Variants in KCNH3 observed in about 807,000 individuals in gnomAD.
The protein encoded by KCNH3 is potassium voltage-gated channel subfamily H member 3, also known as voltage-gated inwardly rectifying potassium channel KCNH3.
A neutral mutation model predicts 95.6 loss-of-function variants in KCNH3; 36 were observed. That is an observed-to-expected ratio of 0.38 (90% CI 0.29 to 0.50). KCNH3 has a LOEUF of 0.50. Ranked by LOEUF, KCNH3 falls within the 20% of genes least tolerant of loss-of-function variation. The probability of loss-of-function intolerance (pLI) is 0.95; values close to 1 mark genes in which losing one functional copy is unlikely to be tolerated. For synonymous variants in KCNH3, 620 were observed against 646.3 expected (o/e 0.96, Z 0.62); for missense variants, 1,030 against 1,484.1 (o/e 0.69, Z 5.03).
At position 49,542,717 on chromosome 12, in the gene KCNH3, C is replaced by A. The variant is rs762889425; in HGVS notation, c.457C>A (p.Arg153Ser). 1 of 1,578,170 alleles carries A rather than the reference C, an allele frequency of 6.3e-7. No individual in the cohort carries two copies. Among genetic ancestry groups the A allele is most frequent in the Non-Finnish European group, 8.6e-7 (1 of 1,162,688 alleles). The change falls in exon 4 of 15, where the codon CGC becomes AGC. Residue 153 changes from arginine (R) to serine (S), a missense_variant. Transcript: ENST00000257981. Reference protein sequence around the residue: ...DRWKETGGGRRRYGRARSKGF... With the variant: ...DRWKETGGGRSRYGRARSKGF... ...CTCTTCTTTCGCAGGTGGTGGCCGGCGCCGATATGGCCGGGCACGATCCAA... is the reference window on the plus strand; with the variant it reads ...CTCTTCTTTCGCAGGTGGTGGCCGGAGCCGATATGGCCGGGCACGATCCAA...
At chr12:49,546,953 G>A (rs776752222) in intron 7 of KCNH3, among the ~76,000 whole-genome samples, 59 of 152,144 alleles carry the variant, frequency 3.9e-4, no homozygotes, top group Non-Finnish European at 1.8e-4. Context: ...GGAGTGCAAC[G>A]GCGCAATCTC....
In KCNH3 at chr12:49,544,286, G is replaced by T; in HGVS notation, c.1093G>T (p.Ala365Ser). 1 of 1,611,660 alleles carries T rather than the reference G, an allele frequency of 6.2e-7. No individual in the cohort carries two copies. ...YSAVVLTLLM[A>S]VFALLAHWVA... is the part of the protein sequence containing the mutation. ...CGCCGTGGTGCTGACACTGCTCATGGCCGTGTTCGCCCTGCTCGCGCACTG... is the reference window on the plus strand; with the variant it reads ...CGCCGTGGTGCTGACACTGCTCATGTCCGTGTTCGCCCTGCTCGCGCACTG... The change falls in exon 7 of 15, where the codon GCC (alanine) becomes TCC (serine). Residue 365 changes from alanine (A) to serine (S), a missense_variant. Ala to Ser is a moderately conservative substitution (Grantham distance 99). This residue lies in a region of KCNH3 where 153 missense variants were observed against 288.5 expected (regional missense o/e 0.53). Transcript: ENST00000257981.
In KCNH3 at chr12:49,544,313, G is replaced by T; in HGVS notation, c.1120G>T (p.Val374Phe). The T allele has an allele frequency of 6.2e-7, 1 of 1,613,372 alleles. No homozygotes were observed. The highest frequency in any genetic ancestry group is 8.5e-7 in the Non-Finnish European group (1 of 1,180,014). ...CGTGTTCGCCCTGCTCGCGCACTGG[G>T]TCGCCTGCGTCTGGTTTTACATTGG... The part of the protein sequence containing the change: ...MAVFALLAHW[V>F]ACVWFYIGQR... The change falls in exon 7 of 15, where the codon GTC becomes TTC. Residue 374 changes from valine to phenylalanine, a missense_variant. By Grantham distance (50) the Val-to-Phe change is conservative (BLOSUM62 -1). Coordinates refer to ENST00000257981, the MANE Select transcript of KCNH3 (RefSeq NM_012284.3).
At chr12:49,543,708 C>A in intron 5 of KCNH3, 190 bp downstream of exon 5, 1 of 1,034,294 alleles carries the variant, frequency 9.7e-7, no homozygotes. Flanking sequence ...TTGAGCTGGT[C>A]AAAGCCTCTC....
chr12:49,548,853 A>C (rs1417583591), intron 7 of KCNH3, 42 bp from the exon 8 acceptor site: 1 of 1,504,404 alleles, frequency 6.6e-7, no homozygotes, highest in Admixed American at 2.2e-5. Flanking sequence ...ATCCTCGCCC[A>C]CAGTCTTCCT....
At chr12:49,549,892 T>C (rs1032416845) in intron 9 of KCNH3, among the ~76,000 whole-genome samples, 188 bp from the exon 10 acceptor site, 1 of 152,202 alleles carries the variant, frequency 6.6e-6, no homozygotes, top group African/African-American at 2.4e-5. Flanking sequence ...CTAAAGTGAT[T>C]GAGAGGGAGG....
In KCNH3 at chr12:49,555,921, C is replaced by A; in HGVS notation, c.2438C>A (p.Pro813Gln). The A allele has an allele frequency of 6.4e-7, 1 of 1,574,218 alleles. No homozygotes were observed. ...ALEGLRLPPM[P>Q]WNVPPDLSPR... Reference sequence around the variant, plus strand: ...GAGGGGCTACGGCTGCCCCCCATGCCATGGAATGTGCCCCCAGATCTGAGC... The same window carrying A: ...GAGGGGCTACGGCTGCCCCCCATGCAATGGAATGTGCCCCCAGATCTGAGC... The change falls in exon 12 of 15, where the codon CCA (proline) becomes CAA (glutamine). Residue 813 changes from proline (P) to glutamine (Q), a missense_variant. Around this residue, in one of 9 missense-constraint regions of KCNH3, gnomAD observed 464 missense variants for 493.2 expected, o/e 0.94. Transcript: ENST00000257981.
chr12:49,542,683 C>T, intron 3 of KCNH3, 23 bp from the exon 4 acceptor site: 1 of 1,553,954 alleles, frequency 6.4e-7, no homozygotes, highest in Admixed American at 1.9e-5. Context: ...CCATCATCTT[C>T]ATGGGCCCCT....
chr12:49,541,898 C>T, intron 3 of KCNH3, 134 bp downstream of exon 3: 2 of 888,180 alleles, frequency 2.3e-6, no homozygotes, highest in Non-Finnish European at 1.8e-6. Flanking sequence ...GCCTGAGAGG[C>T]CTGTGCTGCT....
rs1156272951 is a variant in KCNH3, at chr12:49,549,403, G to A, written c.1469-38G>A. The A allele has an allele frequency of 1.9e-6, 3 of 1,606,310 alleles. No individual in the cohort carries two copies. In the East Asian group the frequency reaches 6.7e-5, roughly 36 times the overall value. ...CCCAGCGTGGTGTCAGGCCGGGCCA[G>A]GTCCCCTAGGTGACCCCCTCTCGTC... is the stretch of plus-strand genomic sequence containing the variant. On this transcript the variant is annotated intron_variant, in intron 8 of 14. Coordinates refer to ENST00000257981, the MANE Select transcript of KCNH3 (RefSeq NM_012284.3).
chr12:49,548,359 T>C (rs1247427415), intron 7 of KCNH3, among the ~76,000 whole-genome samples: 10 of 152,056 alleles, frequency 6.6e-5, no homozygotes, highest in Non-Finnish European at 1.5e-4. Flanking sequence ...TAACAGTGTG[T>C]GTGCATGTCC....
At chr12:49,546,117 T>C (rs1054942242) in intron 7 of KCNH3, 1 of 152,138 alleles carries the variant, frequency 6.6e-6, no homozygotes, top group Non-Finnish European at 1.5e-5. Flanking sequence ...ACGAGACTCC[T>C]CTCTTCCAAC....
chr12:49,545,620 T>A (rs1938036571), intron 7 of KCNH3, among the ~76,000 whole-genome samples: 1 of 152,106 alleles, frequency 6.6e-6, no homozygotes, highest in Admixed American at 6.5e-5. Flanking sequence ...CTCGATCTCC[T>A]GACCTTGTGA....
In KCNH3 at chr12:49,550,078, A is replaced by G; in HGVS notation, c.1669-2A>G. ...CCCACCCCCGCACCTGCTCACCTGC[A>G]GCTGCTGCAGAGCCTCCCTGACGAG... On this transcript the variant is annotated splice_acceptor_variant, in intron 9 of 14. Transcript: ENST00000257981. LOFTEE classifies it high-confidence loss of function. 9.9e-7 allele frequency: 1 copy of G among 1,008,434 alleles called. No homozygotes were observed. The allele number at this position is 1,008,434 out of a possible 1,614,324, so 62.5% of individuals were successfully genotyped here.
At position 49,543,160 on chromosome 12, in the gene KCNH3, C is replaced by T. The variant is rs534128540; in HGVS notation, c.580-115C>T. 9.4e-4 allele frequency: 1,102 copies of T among 1,170,160 alleles called. 9 individuals are homozygous for T. The highest frequency in any genetic ancestry group is 2.3e-4 in the Non-Finnish European group (191 of 834,248). The allele number at this position is 1,170,160 out of a possible 1,614,324, so 72.5% of individuals were successfully genotyped here. On this transcript the variant is annotated intron_variant, in intron 4 of 14. Coordinates refer to ENST00000257981, the MANE Select transcript of KCNH3 (RefSeq NM_012284.3). Reference sequence around the variant, plus strand: ...TGCTAATGCCATCTCGAAGCAGATGCTGCTTCGATAATGCAGGGATAGAAA... The same window carrying T: ...TGCTAATGCCATCTCGAAGCAGATGTTGCTTCGATAATGCAGGGATAGAAA...
rs758363797 is a variant in KCNH3 at position 49,555,869 on chromosome 12, G to T, written c.2386G>T (p.Gly796Cys). The change falls in exon 12 of 15, where the codon GGC becomes TGC. Residue 796 changes from glycine to cysteine, a missense_variant. This residue lies in a region of KCNH3 where 464 missense variants were observed against 493.2 expected (regional missense o/e 0.94). Coordinates refer to ENST00000257981, the MANE Select transcript of KCNH3 (RefSeq NM_012284.3). ...GRAGALKAEA[G>C]PSAPPRALEG... Reference sequence around the variant, plus strand: ...GGCAGGGGCTTTGAAGGCTGAGGCTGGCCCCTCTGCTCCCCCACGGGCCCT... The same window carrying T: ...GGCAGGGGCTTTGAAGGCTGAGGCTTGCCCCTCTGCTCCCCCACGGGCCCT... The T allele has an allele frequency of 6.2e-7, 1 of 1,609,792 alleles. No individual in the cohort carries two copies. Among genetic ancestry groups the T allele is most frequent in the Non-Finnish European group, 8.5e-7 (1 of 1,178,052 alleles).
intron 8 of KCNH3, 102 bp from the exon 9 acceptor site, chr12:49,549,339 A>G (rs933738): frequency 0.19 from 288,272 of 1,490,072 alleles, 32,561 homozygotes; most frequent in African/African-American, 0.51. Flanking sequence ...AGCGGCCTTC[A>G]GGCCTTGCCT....
chr12:49,544,486 G>C, intron 7 of KCNH3, 104 bp downstream of exon 7: 4 of 1,128,214 alleles, frequency 3.5e-6, no homozygotes, highest in Non-Finnish European at 5.2e-6. Flanking sequence ...GTGCAAGTCT[G>C]CACGTGTGCA....
intron 13 of KCNH3, chr12:49,556,769 A>T (rs1938470317): frequency 1.5e-6 from 1 of 667,280 alleles, no homozygotes; most frequent in South Asian, 1.5e-5. Flanking sequence ...AAATGGGTTG[A>T]TGTTTACGTT....
Sources: gnomAD v4.1 joint callset for allele counts (sites outside exome capture counted in the v4.1 genomes callset) on GRCh38, gnomAD v4.1.1 for gene constraint, gnomAD v4.1.1 regional missense constraint, MANE v1.5 for transcripts, NCBI Gene and HGNC (gene_info 2026-07-23, HGNC 2026-07-21) for gene names.